MPO: variants seen among roughly 807,000 people sequenced by gnomAD.
MPO encodes myeloperoxidase.
Under a neutral mutation model 69.4 loss-of-function variants are expected in MPO, and 57 were observed. The ratio of observed to expected loss-of-function variants is 0.82; its 90% CI spans 0.66 to 1.02. The LOEUF (loss-of-function observed/expected upper bound fraction) is 1.02. Among genes scored for constraint, MPO ranks in the 50% least tolerant of loss-of-function variants. The pLI is 0.00. For synonymous variants in MPO, 426 were observed against 417.1 expected, an observed-to-expected ratio of 1.02 and a Z score of -0.26; for missense variants, 971 against 1,014.1, an observed-to-expected ratio of 0.96 and a Z score of 0.58.
rs778467346 is a variant in MPO at position 58,279,910 on chromosome 17, T to C, written c.353A>G (p.Tyr118Cys). ...ATRTAVRAAD[Y>C]LHVALDLLER... is the part of the protein sequence containing the mutation. ...CAGCAGGTCTAGAGCCACGTGCAGG[T>C]AGTCAGCGGCCCTCACCGCCGTCCT... Residue 118 changes from tyrosine (Y) to cysteine (C), a missense_variant, in exon 3 of 12, where the codon TAC becomes TGC. Transcript: ENST00000225275. 3.1e-6 allele frequency: 5 copies of C among 1,613,888 alleles called. No homozygotes were observed. Among genetic ancestry groups the C allele is most frequent in the Non-Finnish European group, 4.2e-6 (5 of 1,179,960 alleles).
At chr17:58,272,601 C>T in intron 10 of MPO, 147 bp downstream of exon 10, 1 of 874,620 alleles carries the variant, frequency 1.1e-6, no homozygotes, top group Non-Finnish European at 1.7e-6. Flanking sequence ...AGGCAGGGGC[C>T]TGGCCTCAGG....
intron 6 of MPO, 117 bp from the exon 7 acceptor site, chr17:58,278,262 C>T (rs1190150206): frequency 4.9e-6 from 6 of 1,213,772 alleles, no homozygotes; most frequent in Non-Finnish European, 6.9e-6. Context: ...GAGAGGCCTC[C>T]GGAGGCCCGA....
chr17:58,270,702 C>A lies in MPO; in HGVS notation c.2192G>T (p.Ser731Ile). The change falls in exon 12 of 12, where the codon AGT (serine) becomes ATT (isoleucine). Residue 731 changes from serine to isoleucine, a missense_variant. Transcript: ENST00000225275. The surrounding 1 kb of genome is among the most constrained non-coding windows in gnomAD (Gnocchi z 4.1). ...AGCCAGGTTCAATGCAGGAAGTGTA[C>A]TGCAGTTGACAAAGTCCCGGGGATA... ...NSYPRDFVNC[S>I]TLPALNLASW... The A allele has an allele frequency of 6.2e-7, 1 of 1,614,030 alleles. No homozygotes were observed. The highest frequency in any genetic ancestry group is 8.5e-7 in the Non-Finnish European group (1 of 1,179,954).
rs765375548 is a variant in MPO at position 58,278,071 on chromosome 17, G to C, written c.960C>G (p.Pro320=). ...GGTTGCGGATGGTGATGTTGCTCCC[G>C]GGGCAAGCCGGGCAGGAGCGGAAGA... The part of the protein sequence containing the change: ...IPFFRSCPAC[P]GSNITIRNQI... The change falls in exon 7 of 12, where the codon CCC becomes CCG. Residue 320 remains proline, a synonymous_variant. Transcript: ENST00000225275. 34 of 1,611,566 alleles carry C rather than the reference G, an allele frequency of 2.1e-5. No individual in the cohort carries two copies. Among genetic ancestry groups the C allele is most frequent in the Non-Finnish European group, 1.9e-5 (23 of 1,180,022 alleles).
chr17:58,276,308 C>A (rs1463874182), intron 7 of MPO, among the ~76,000 whole-genome samples: 2 of 152,230 alleles, frequency 1.3e-5, no homozygotes, highest in Non-Finnish European at 2.9e-5. Flanking sequence ...ACAGAGTTGT[C>A]AGCCCTGCCC....
At position 58,277,918 on chromosome 17, in the gene MPO, G is replaced by A; in HGVS notation, c.1113C>T (p.Asp371=). The A allele has an allele frequency of 6.2e-7, 1 of 1,612,568 alleles. No homozygotes were observed. The highest frequency in any genetic ancestry group is 8.5e-7 in the Non-Finnish European group (1 of 1,180,034). ...GLLAVNQRFQ[D]NGRALLPFDN... ...CAAAGGGCAGCAGGGCCCGGCCGTT[G>A]TCTTGGAAGCGCTGGTTGACGGCCA... is the stretch of plus-strand genomic sequence containing the variant. Residue 371 remains aspartate (D), a synonymous_variant, in exon 7 of 12, where the codon GAC becomes GAT. Transcript: ENST00000225275.
chr17:58,275,543 T>G lies in MPO; in HGVS notation c.1364A>C (p.Gln455Pro), dbSNP rs1408167795. The part of the protein sequence containing the change: ...EARKIVGAMV[Q>P]IITYRDYLPL... Reference sequence around the variant, plus strand: ...TGCCCGGTGTTCAAGACGGCCTACCTGGACCATGGCCCCCACGATCTTCCG... The same window carrying G: ...TGCCCGGTGTTCAAGACGGCCTACCGGGACCATGGCCCCCACGATCTTCCG... Residue 455 changes from glutamine to proline, a missense_variant and splice_region_variant, in exon 8 of 12, where the codon CAG becomes CCG. By Grantham distance (76) the Gln-to-Pro change is moderately conservative. Coordinates refer to ENST00000225275, the MANE Select transcript of MPO (RefSeq NM_000250.2). This position sits in a 1 kb window ranked among gnomAD's most constrained non-coding sequence, Gnocchi z 4.1. 1.9e-6 allele frequency: 3 copies of G among 1,614,156 alleles called. No homozygotes were observed. Among genetic ancestry groups the G allele is most frequent in the South Asian group, 2.2e-5 (2 of 91,078 alleles).
At chr17:58,277,091 G>A (rs1224213968) in intron 7 of MPO, among the ~76,000 whole-genome samples, 2 of 151,894 alleles carry the variant, frequency 1.3e-5, no homozygotes, top group African/African-American at 2.4e-5. Context: ...CTGGGTGACA[G>A]AGTGAGATTC....
At position 58,275,496 on chromosome 17, in the gene MPO, A is replaced by C. The variant is rs1970424616; in HGVS notation, c.1365+46T>G. On this transcript the variant is annotated intron_variant, in intron 8 of 11. Coordinates refer to ENST00000225275, the MANE Select transcript of MPO (RefSeq NM_000250.2). This position sits in a 1 kb window ranked among gnomAD's most constrained non-coding sequence, Gnocchi z 4.1. ...CAAGGTCACACAGCTAGGATGTTGC[A>C]GGGACACATCTGGATCCCGTGTGCC... 2 of 1,612,372 alleles carry C rather than the reference A, an allele frequency of 1.2e-6. No homozygotes were observed. The highest frequency in any genetic ancestry group is 2.7e-5 in the African/African-American group (2 of 75,014).
chr17:58,279,289 G>A lies in MPO; in HGVS notation c.678+8C>T. On this transcript the variant is annotated splice_region_variant and intron_variant, in intron 5 of 11. Coordinates refer to ENST00000225275, the MANE Select transcript of MPO (RefSeq NM_000250.2). ...CGGGCCTCGCCCCCTCTGCCCGCCG[G>A]CGCTCACCAGAGCCACCGGGAAGCC... The A allele has an allele frequency of 9.0e-6, 14 of 1,563,274 alleles. No individual in the cohort carries two copies. Among genetic ancestry groups the A allele is most frequent in the South Asian group, 1.2e-5 (1 of 85,934 alleles).
chr17:58,280,443 C>CAA lies in MPO; in HGVS notation c.170_171insTT (p.Asp58TrpfsTer7), dbSNP rs752387845. Reference sequence around the variant, plus strand: ...TGGAGCTCAGCACCAACGAGGTGTCCACCTCCCCCAGGACAGCTGCCCAGA... The same window carrying CAA: ...TGGAGCTCAGCACCAACGAGGTGTCCAAACCTCCCCCAGGACAGCTGCCCAGA... On this transcript the variant is annotated frameshift_variant, in exon 2 of 12. Coordinates refer to ENST00000225275, the MANE Select transcript of MPO (RefSeq NM_000250.2). LOFTEE classifies it high-confidence loss of function. The CAA allele has an allele frequency of 1.2e-6, 2 of 1,614,078 alleles. No homozygotes were observed. The highest frequency in any genetic ancestry group is 1.1e-5 in the South Asian group (1 of 91,076).
rs775408046 is a variant in MPO at position 58,279,592 on chromosome 17, T to G, written c.479A>C (p.Tyr160Ser). Residue 160 changes from tyrosine to serine, a missense_variant, in exon 4 of 12, where the codon TAC (tyrosine) becomes TCC (serine). Physicochemically the swap from Tyr to Ser is moderately radical, Grantham distance 144 (BLOSUM62 -2). Transcript: ENST00000225275. ...NVLSKSSGCAYQDVGVTCPEQ... is the reference protein window; with the variant it reads ...NVLSKSSGCASQDVGVTCPEQ... The stretch of plus-strand genomic sequence containing the variant: ...CGGGCAAGTCACCCCCACGTCCTGG[T>G]AGGCGCAGCCGCTTGACTTGGACAA... 4.3e-6 allele frequency: 7 copies of G among 1,613,998 alleles called. No individual in the cohort carries two copies. The highest frequency in any genetic ancestry group is 1.3e-5 in the African/African-American group (1 of 74,928).
chr17:58,279,694 T>G (rs761582959), intron 3 of MPO, 48 bp from the exon 4 acceptor site: 1 of 1,613,872 alleles, frequency 6.2e-7, no homozygotes, highest in Non-Finnish European at 8.5e-7. Context: ...TCACTTCCTA[T>G]CCCAGGCAAC....
At chr17:58,277,157 C>T (rs1970448502) in intron 7 of MPO, among the ~76,000 whole-genome samples, 1 of 151,396 alleles carries the variant, frequency 6.6e-6, no homozygotes. Context: ...GCCATCACTG[C>T]CCCAATTGTG....
Position 58,277,837 on chromosome 17 carries a change from G to A in MPO, c.1194C>T (p.Cys398=), listed in dbSNP as rs764842363. 5 of 1,603,530 alleles carry A rather than the reference G, an allele frequency of 3.1e-6. No individual in the cohort carries two copies. The highest frequency in any genetic ancestry group is 1.7e-5 in the Admixed American group (1 of 60,026). ...LLTNRSARIP[C]FLAGDTRSSE... ...CACCCCAAAGCTGACCTGCCAGGAA[G>A]CAGGGGATGCGCGCTGAGCGGTTGG... is the stretch of plus-strand genomic sequence containing the variant. Residue 398 remains cysteine (C), a synonymous_variant, in exon 7 of 12, where the codon TGC becomes TGT. Coordinates refer to ENST00000225275, the MANE Select transcript of MPO (RefSeq NM_000250.2).
In MPO at chr17:58,278,135, T is replaced by C. The variant is rs1402515798; in HGVS notation, c.896A>G (p.Asn299Ser). 1.1e-5 allele frequency: 18 copies of C among 1,601,044 alleles called. No individual in the cohort carries two copies. Among genetic ancestry groups the C allele is most frequent in the Non-Finnish European group, 1.4e-5 (16 of 1,179,882 alleles). ...GGCTTGGTTCTTGATGCGGGGGTCA[T>C]TGGGCGGGATCTGAGGCACAGAGAG... ...PPCFPLKIPPNDPRIKNQADC... is the reference protein window; with the variant it reads ...PPCFPLKIPPSDPRIKNQADC... The change falls in exon 7 of 12, where the codon AAT (asparagine) becomes AGT (serine). Residue 299 changes from asparagine to serine, a missense_variant. Physicochemically the swap from Asn to Ser is conservative, Grantham distance 46. Coordinates refer to ENST00000225275, the MANE Select transcript of MPO (RefSeq NM_000250.2).
Position 58,279,576 on chromosome 17 carries a change from C to A in MPO, c.495G>T (p.Val165=), listed in dbSNP as rs140392145. 1.2e-4 allele frequency: 187 copies of A among 1,614,166 alleles called. No homozygotes were observed. Among genetic ancestry groups the A allele is most frequent in the Non-Finnish European group, 1.6e-4 (184 of 1,180,042 alleles). The change falls in exon 4 of 12, where the codon GTG becomes GTT. Residue 165 remains valine (V), a synonymous_variant. Transcript: ENST00000225275. ...GGTATTTGTCCTGCTCCGGGCAAGT[C>A]ACCCCCACGTCCTGGTAGGCGCAGC... is the stretch of plus-strand genomic sequence containing the variant. ...SSGCAYQDVG[V]TCPEQDKYRT... is the part of the protein sequence containing the mutation.
Position 58,278,142 on chromosome 17 carries a change from G to A in MPO, c.889C>T (p.Pro297Ser). 6.2e-7 allele frequency: 1 copy of A among 1,600,808 alleles called. No individual in the cohort carries two copies. Among genetic ancestry groups the A allele is most frequent in the Non-Finnish European group, 8.5e-7 (1 of 1,179,900 alleles). Residue 297 changes from proline to serine, a missense_variant, in exon 7 of 12, where the codon CCG becomes TCG. Physicochemically the swap from Pro to Ser is moderately conservative, Grantham distance 74 (BLOSUM62 -1). Transcript: ENST00000225275. ...TTCTTGATGCGGGGGTCATTGGGCG[G>A]GATCTGAGGCACAGAGAGAGGCTAG... ...QQPPCFPLKIPPNDPRIKNQA... is the reference protein window; with the variant it reads ...QQPPCFPLKISPNDPRIKNQA...
intron 11 of MPO, 136 bp downstream of exon 11, chr17:58,271,519 G>A (rs1472949380): frequency 2.2e-6 from 2 of 896,418 alleles, no homozygotes; most frequent in Admixed American, 3.9e-5. Context: ...CAGGGCATCT[G>A]GAGGATTCCT....
Sources: gnomAD v4.1 joint callset for allele counts (sites outside exome capture counted in the v4.1 genomes callset) on GRCh38, gnomAD v4.1.1 for gene constraint, Gnocchi (gnomAD v3.1) non-coding constraint, MANE v1.5 for transcripts, NCBI Gene and HGNC (gene_info 2026-07-23, HGNC 2026-07-21) for gene names.